The following TMTC4 variants were observed in gnomAD, a reference collection of about 807,000 sequenced individuals.
The protein encoded by TMTC4 is transmembrane O-mannosyltransferase targeting cadherins 4.
Under a neutral mutation model 86.0 loss-of-function variants are expected in TMTC4, and 65 were observed. The ratio of observed to expected loss-of-function variants is 0.76; its 90% CI spans 0.62 to 0.93. The LOEUF is 0.93. Ranked by LOEUF, TMTC4 falls within the 40% of genes least tolerant of loss-of-function variation. TMTC4 has a pLI of 0.00. For synonymous variants in TMTC4, 379 were observed against 382.5 expected (o/e 0.99, Z 0.11); for missense variants, 866 against 948.1 (o/e 0.91, Z 1.14).
chr13:100,665,833 C>T, intron 3 of TMTC4: 3 of 325,664 alleles, frequency 9.2e-6, no homozygotes, highest in South Asian at 7.5e-5. Flanking sequence ...TTAAGGGTGA[C>T]ATTTGCTTCC....
intron 7 of TMTC4, among the ~76,000 whole-genome samples, chr13:100,640,108 T>G (rs539423898): frequency 6.6e-6 from 1 of 152,282 alleles, no homozygotes; most frequent in South Asian, 2.1e-4. Flanking sequence ...CTGATGCTCC[T>G]GGTCCTCAAA....
chr13:100,655,263 T>A (rs894022077), intron 6 of TMTC4, among the ~76,000 whole-genome samples: 6 of 152,176 alleles, frequency 3.9e-5, no homozygotes, highest in African/African-American at 1.4e-4. Context: ...CCTCAAGTGA[T>A]CTGCTCACCT....
At chr13:100,660,884 C>A (rs1273017073) in intron 5 of TMTC4, among the ~76,000 whole-genome samples, 1 of 152,124 alleles carries the variant, frequency 6.6e-6, no homozygotes, top group Non-Finnish European at 1.5e-5. Context: ...GAACTCCTGA[C>A]CTCAAGTGAT....
In TMTC4 at chr13:100,670,639, T is replaced by C. The variant is rs1024790983; in HGVS notation, c.-207-70A>G. 5.4e-4 allele frequency: 215 copies of C among 395,158 alleles called. 2 individuals are homozygous for C. The highest frequency in any genetic ancestry group is 8.0e-5 in the Non-Finnish European group (18 of 224,266). 24.5% of individuals were successfully genotyped at this position (395,158 alleles called of 1,614,324 possible). ...CTTACATTTCAGCTAAAGAAATTACTCCTGCTACTTAAAAAACAACAAATC... is the reference window on the plus strand; with the variant it reads ...CTTACATTTCAGCTAAAGAAATTACCCCTGCTACTTAAAAAACAACAAATC... On this transcript the variant is annotated intron_variant, in intron 1 of 18. Coordinates refer to ENST00000342624, the MANE Select transcript of TMTC4 (RefSeq NM_032813.5).
intron 15 of TMTC4, among the ~76,000 whole-genome samples, chr13:100,622,789 T>C (rs1879742345): frequency 1.3e-5 from 2 of 152,122 alleles, no homozygotes; most frequent in East Asian, 3.9e-4. Flanking sequence ...AATTTATTAT[T>C]ATTATACTTT....
chr13:100,673,974 C>A, intron 1 of TMTC4: 1 of 959,462 alleles, frequency 1.0e-6, no homozygotes, highest in East Asian at 1.2e-4. Context: ...CTCATAGTGG[C>A]TAGATCGTTC....
rs770216578 is a variant in TMTC4 at position 100,637,522 on chromosome 13, C to T, written c.999+16G>A. 1.9e-6 allele frequency: 3 copies of T among 1,599,618 alleles called. No homozygotes were observed. The highest frequency in any genetic ancestry group is 2.6e-6 in the Non-Finnish European group (3 of 1,170,490). ...GGGAAGAAAAGAGTCCAGGGGGCGG[C>T]AGGCTCAGAACTCACCCTCACCAGC... On this transcript the variant is annotated intron_variant, in intron 9 of 18. Coordinates refer to ENST00000342624, the MANE Select transcript of TMTC4 (RefSeq NM_032813.5).
chr13:100,638,082 T>C, intron 7 of TMTC4, 60 bp from the exon 8 acceptor site: 1 of 1,300,930 alleles, frequency 7.7e-7, no homozygotes, highest in Non-Finnish European at 1.1e-6. Context: ...AGGCAGCAAT[T>C]ACACTTCACA....
At chr13:100,639,411 C>A (rs1882725564) in intron 7 of TMTC4, among the ~76,000 whole-genome samples, 1 of 152,220 alleles carries the variant, frequency 6.6e-6, no homozygotes, top group Admixed American at 6.5e-5. Flanking sequence ...AAGGCAGATG[C>A]TCCCTGCGTA....
At chr13:100,636,402 T>C (rs1015520794) in intron 10 of TMTC4, 130 bp downstream of exon 10, 43 of 1,120,734 alleles carry the variant, frequency 3.8e-5, no homozygotes, top group Non-Finnish European at 5.0e-5. Flanking sequence ...ATCCTAGCCA[T>C]AAATATGCAT....
chr13:100,667,810 G>A (rs757646875), intron 3 of TMTC4, among the ~76,000 whole-genome samples: 2 of 152,102 alleles, frequency 1.3e-5, no homozygotes, highest in African/African-American at 2.4e-5. Flanking sequence ...TGCCATTTCC[G>A]AGTTCTTTCT....
chr13:100,632,053 A>ACACACACACTCTCTCTCTCTCT (rs1296569630), intron 12 of TMTC4, among the ~76,000 whole-genome samples: 13 of 43,126 alleles, frequency 3.0e-4, no homozygotes, highest in Non-Finnish European at 4.7e-4. Flanking sequence ...ACACACACAC[A>ACACACACACTCTCTCTCTCTCT]CTCTCTCTCT....
In TMTC4 at chr13:100,668,778, T is replaced by C. The variant is rs1352309267; in HGVS notation, c.20A>G (p.Asn7Ser). MIPNQH[N>S]AGAGSHQPAV... is the part of the protein sequence containing the mutation. The stretch of plus-strand genomic sequence containing the variant: ...AGGTTGGTGGCTCCCGGCTCCAGCA[T>C]TATGCTGGTTAGGAATCTGCAGGAA... The change falls in exon 3 of 19, where the codon AAT (asparagine) becomes AGT (serine). Residue 7 changes from asparagine (N) to serine (S), a missense_variant. Asn to Ser is a conservative substitution (Grantham distance 46). Coordinates refer to ENST00000342624, the MANE Select transcript of TMTC4 (RefSeq NM_032813.5). 2 of 1,614,164 alleles carry C rather than the reference T, an allele frequency of 1.2e-6. No homozygotes were observed. Among genetic ancestry groups the C allele is most frequent in the Non-Finnish European group, 8.5e-7 (1 of 1,180,006 alleles).
intron 7 of TMTC4, among the ~76,000 whole-genome samples, chr13:100,639,921 CAA>C (rs1566606142): frequency 2.0e-5 from 3 of 150,998 alleles, no homozygotes; most frequent in Non-Finnish European, 4.4e-5. Flanking sequence ...GCCAGAGCGA[CAA>C]GAGAGAAACC....
Position 100,636,626 on chromosome 13 carries a change from T to C in TMTC4, c.1108A>G (p.Ser370Gly). The C allele has an allele frequency of 6.2e-7, 1 of 1,614,188 alleles. No homozygotes were observed. Among genetic ancestry groups the C allele is most frequent in the Non-Finnish European group, 8.5e-7 (1 of 1,180,034 alleles). The change falls in exon 10 of 19, where the codon AGC (serine) becomes GGC (glycine). Residue 370 changes from serine (S) to glycine (G), a missense_variant. By Grantham distance (56) the Ser-to-Gly change is moderately conservative. Coordinates refer to ENST00000342624, the MANE Select transcript of TMTC4 (RefSeq NM_032813.5). ...MGCIPLIKSI[S>G]DWRVIALAAL... Reference sequence around the variant, plus strand: ...GCAAGTGCAATTACCCTCCAGTCGCTGATGGACTTAATGAGGGGGATGCAG... The same window carrying C: ...GCAAGTGCAATTACCCTCCAGTCGCCGATGGACTTAATGAGGGGGATGCAG...
At chr13:100,632,053 A>ACTCTCTCTCTCTCTCTCTCT (rs67759381) in intron 12 of TMTC4, among the ~76,000 whole-genome samples, 3 of 43,110 alleles carry the variant, frequency 7.0e-5, no homozygotes, top group Non-Finnish European at 1.4e-4. Flanking sequence ...ACACACACAC[A>ACTCTCTCTCTCTCTCTCTCT]CTCTCTCTCT....
intron 1 of TMTC4, 150 bp downstream of exon 1, chr13:100,674,594 G>A (rs1405160603): frequency 5.1e-6 from 5 of 982,438 alleles, no homozygotes; most frequent in Non-Finnish European, 6.0e-6. Context: ...CTCAGGTCCC[G>A]GAACCAACTC....
At chr13:100,653,421 C>T (rs1207469526) in intron 6 of TMTC4, among the ~76,000 whole-genome samples, 4 of 151,982 alleles carry the variant, frequency 2.6e-5, no homozygotes, top group Non-Finnish European at 5.9e-5. Context: ...CTGATGTCGC[C>T]GGGCCAGGGA....
intron 15 of TMTC4, among the ~76,000 whole-genome samples, chr13:100,619,096 C>T (rs1330221496): frequency 2.0e-5 from 3 of 150,982 alleles, no homozygotes; most frequent in East Asian, 2.0e-4. Flanking sequence ...ACCTCCCGGA[C>T]GGGGCGGCTG....
Sources: allele counts gnomAD v4.1 joint callset (sites outside exome capture counted in the v4.1 genomes callset), GRCh38; gene constraint gnomAD v4.1.1; transcripts MANE v1.5; gene names NCBI Gene and HGNC (gene_info 2026-07-23, HGNC 2026-07-21).